The following RORA variants were observed in gnomAD, a reference collection of about 807,000 sequenced individuals.
RORA encodes the protein nuclear receptor ROR-alpha.
RORA carries 7 observed loss-of-function variants against 69.5 expected under a neutral mutation model. The ratio of observed to expected loss-of-function variants is 0.10; its 90% CI spans 0.06 to 0.19. RORA has a LOEUF of 0.19. Among genes scored for constraint, RORA ranks in the 10% least tolerant of loss-of-function variants. The pLI is 1.00. For synonymous variants in RORA, 261 were observed against 240.8 expected, an observed-to-expected ratio of 1.08 and a Z score of -0.78; for missense variants, 457 against 663.0, an observed-to-expected ratio of 0.69 and a Z score of 3.41.
intron 1 of RORA, among the ~76,000 whole-genome samples, chr15:60,911,016 C>G (rs1371617131): frequency 6.9e-6 from 1 of 144,726 alleles, no homozygotes; most frequent in African/African-American, 2.6e-5. Context: ...GATTCTCCTG[C>G]TTTAGCTTCC....
intron 1 of RORA, among the ~76,000 whole-genome samples, chr15:61,042,638 C>T (rs552838664): frequency 2.0e-5 from 3 of 152,282 alleles, no homozygotes; most frequent in South Asian, 4.1e-4. Flanking sequence ...GCTGGCTGAG[C>T]GGACACAAGA....
chr15:60,842,377 C>A (rs2073210455), intron 1 of RORA, among the ~76,000 whole-genome samples: 1 of 152,204 alleles, frequency 6.6e-6, no homozygotes, highest in Non-Finnish European at 1.5e-5. Flanking sequence ...TTGACCCTAA[C>A]TTACTGTTCA....
At chr15:60,899,630 T>C (rs895102287) in intron 1 of RORA, among the ~76,000 whole-genome samples, 1 of 152,198 alleles carries the variant, frequency 6.6e-6, no homozygotes, top group African/African-American at 2.4e-5. Flanking sequence ...CCTCTTACCA[T>C]TCCACCAGGT....
chr15:60,679,918 TTTTG>T (rs138371554), intron 1 of RORA, among the ~76,000 whole-genome samples: 65,235 of 151,290 alleles, frequency 0.43, 14,311 homozygotes, highest in Admixed American at 0.57. Context: ...AAAACTATTG[TTTTG>T]TTTGTTTGTT....
intron 1 of RORA, among the ~76,000 whole-genome samples, chr15:60,704,704 T>G (rs1436195627): frequency 6.6e-6 from 1 of 152,254 alleles, no homozygotes. Context: ...ATGCGTAATC[T>G]AGGTCGGACG....
rs939089987 is a variant in RORA, at chr15:60,579,974, G to A, written c.197-48123C>T. On this transcript the variant is annotated intron_variant, in intron 2 of 10. Coordinates refer to ENST00000335670, the MANE Select transcript of RORA (RefSeq NM_134261.3). ...CTTTGTATTTATTAATGACTACACA[G>A]AGCACTACTATTTTTCAATAGCACT... Among the ~76,000 whole-genome samples, 24 of 152,078 alleles carry A rather than the reference G, an allele frequency of 1.6e-4. 1 individual carries two copies. Among genetic ancestry groups the A allele is most frequent in the African/African-American group, 5.1e-4 (21 of 41,478 alleles).
At chr15:61,036,746 G>C (rs1046091300) in intron 1 of RORA, among the ~76,000 whole-genome samples, 1 of 130,964 alleles carries the variant, frequency 7.6e-6, no homozygotes, top group African/African-American at 3.0e-5. Flanking sequence ...AAGTCTCAAA[G>C]AGAGTGTTCA....
intron 1 of RORA, among the ~76,000 whole-genome samples, chr15:60,991,835 G>A (rs1236997007): frequency 6.6e-6 from 1 of 151,950 alleles, no homozygotes; most frequent in South Asian, 2.1e-4. Flanking sequence ...GATCCCAGGA[G>A]GTCAAGGCTA....
chr15:60,903,229 G>A (rs922875392), intron 1 of RORA, among the ~76,000 whole-genome samples: 4 of 152,168 alleles, frequency 2.6e-5, no homozygotes, highest in Non-Finnish European at 1.5e-5. Context: ...AGGGGATGAT[G>A]TAGGTGAGGA....
intron 1 of RORA, among the ~76,000 whole-genome samples, chr15:60,826,250 G>T (rs769741062): frequency 1.3e-5 from 2 of 151,630 alleles, no homozygotes; most frequent in Non-Finnish European, 2.9e-5. Context: ...AGGAAGGAAA[G>T]AAAAAAGGAA....
chr15:60,841,141 T>C, intron 1 of RORA: 4 of 940,920 alleles, frequency 4.3e-6, no homozygotes, highest in Non-Finnish European at 5.1e-6. Flanking sequence ...TCTTGTTTTC[T>C]CTCCACGCCA....
chr15:60,651,318 A>G (rs1290718827), intron 2 of RORA, among the ~76,000 whole-genome samples: 7 of 152,154 alleles, frequency 4.6e-5, no homozygotes, highest in Non-Finnish European at 1.0e-4. Context: ...GATGTATCAA[A>G]TCTCATATAA....
intron 1 of RORA, among the ~76,000 whole-genome samples, chr15:60,794,446 T>A (rs1195095683): frequency 6.6e-6 from 1 of 152,122 alleles, no homozygotes; most frequent in Admixed American, 6.5e-5. Context: ...TTGAACATGG[T>A]CACCAGAGAA....
In RORA at chr15:60,803,650, C is replaced by A. The variant is rs116379731; in HGVS notation, c.167-124964G>T. ...TTCCCTGTCAAATCATCTTTCTGGG[C>A]CTCAGTTTCCCTAGCAGTAAAAGAA... is the stretch of plus-strand genomic sequence containing the variant. On this transcript the variant is annotated intron_variant, in intron 1 of 10. Transcript: ENST00000335670. Among the ~76,000 whole-genome samples, 620 of 152,240 alleles carry A rather than the reference C, an allele frequency of 4.1e-3. 3 individuals carry two copies. The highest frequency in any genetic ancestry group is 0.015 in the African/African-American group (609 of 41,544).
intron 1 of RORA, among the ~76,000 whole-genome samples, chr15:61,062,169 G>C (rs1476063522): frequency 1.3e-5 from 2 of 152,238 alleles, no homozygotes; most frequent in Non-Finnish European, 2.9e-5. Flanking sequence ...CTGAATGCCT[G>C]ACAGTGCTTT....
rs1009224355 is a variant in RORA, at chr15:60,967,263, C to T, written c.166+261790G>A. 3.3e-5 allele frequency among the ~76,000 whole-genome samples: 5 copies of T among 152,026 alleles called. No individual in the cohort carries two copies. The East Asian group carries it at 7.7e-4, about 23-fold the overall frequency. ...TATATTTATGCATTGACAGATGTAC[C>T]ATATTTATATGCATGTTTACAAATA... On this transcript the variant is annotated intron_variant, in intron 1 of 10. Coordinates refer to ENST00000335670, the MANE Select transcript of RORA (RefSeq NM_134261.3).
chr15:60,774,368 C>A (rs181249618), intron 1 of RORA, among the ~76,000 whole-genome samples: 5 of 152,290 alleles, frequency 3.3e-5, no homozygotes, highest in African/African-American at 9.6e-5. Context: ...CAAGAGCCAA[C>A]AATGGAAATG....
rs147954276 is a variant in RORA, at chr15:61,046,255, G to A, written c.166+182798C>T. Among the ~76,000 whole-genome samples the A allele has an allele frequency of 6.2e-3, 948 of 152,260 alleles. 3 individuals carry two copies. The highest frequency in any genetic ancestry group is 0.037 in the Middle Eastern group (11 of 294). Reference sequence around the variant, plus strand: ...AGCATGAGGAAAAAGAGGAATCTACGTCTGGCTGGAGGGCACTGTACACAC... The same window carrying A: ...AGCATGAGGAAAAAGAGGAATCTACATCTGGCTGGAGGGCACTGTACACAC... On this transcript the variant is annotated intron_variant, in intron 1 of 10. Coordinates refer to ENST00000335670, the MANE Select transcript of RORA (RefSeq NM_134261.3).
intron 1 of RORA, among the ~76,000 whole-genome samples, chr15:60,951,868 G>A (rs1038914616): frequency 3.3e-5 from 5 of 151,396 alleles, no homozygotes; most frequent in African/African-American, 1.2e-4. Flanking sequence ...GGTACAAGGA[G>A]GAACTGGTAC....
Sources: gnomAD v4.1 joint callset for allele counts (sites outside exome capture counted in the v4.1 genomes callset) on GRCh38, gnomAD v4.1.1 for gene constraint, MANE v1.5 for transcripts, NCBI Gene and HGNC (gene_info 2026-07-23, HGNC 2026-07-21) for gene names.